The following FBXO31 variants were observed in gnomAD, a reference collection of about 807,000 sequenced individuals.
FBXO31 encodes the protein F-box protein 31.
In FBXO31, 24 loss-of-function variants were observed where a neutral mutation model predicts 54.4. The ratio of observed to expected loss-of-function variants is 0.44; its 90% CI spans 0.32 to 0.62. The LOEUF is 0.62. Among genes scored for constraint, FBXO31 ranks in the 20% least tolerant of loss-of-function variants. The pLI, the probability that FBXO31 is intolerant of heterozygous loss-of-function variation, is 0.05. For missense variants in FBXO31, 665 were observed against 787.1 expected, an observed-to-expected ratio of 0.84 and a Z score of 1.86; for synonymous variants, 388 against 335.6, an observed-to-expected ratio of 1.16 and a Z score of -1.71.
chr16:87,384,574 G>A (rs1384717614), upstream of FBXO31, among the ~76,000 whole-genome samples: 1 of 152,226 alleles, frequency 6.6e-6, no homozygotes, highest in African/African-American at 2.4e-5. Context: ...TCGTCTCCCA[G>A]GTCCGCGGGT....
Position 87,335,288 on chromosome 16 carries a change from G to T in FBXO31, c.996+16C>A. 6.2e-7 allele frequency: 1 copy of T among 1,612,284 alleles called. No homozygotes were observed. The highest frequency in any genetic ancestry group is 1.3e-5 in the African/African-American group (1 of 75,062). ...GTGCCCCCAGAGCCCCACCAACCAG[G>T]TCAGCCGCCACTCACCGTGATCTTG... is the stretch of plus-strand genomic sequence containing the variant. On this transcript the variant is annotated intron_variant, in intron 7 of 8. Coordinates refer to ENST00000311635, the MANE Select transcript of FBXO31 (RefSeq NM_024735.5). The surrounding 1 kb of genome is among the most constrained non-coding windows in gnomAD (Gnocchi z 5.7).
chr16:87,373,026 C>T (rs184799358), intron 1 of FBXO31, among the ~76,000 whole-genome samples: 2 of 148,814 alleles, frequency 1.3e-5, no homozygotes, highest in Admixed American at 6.9e-5. Context: ...TGAGCCACTG[C>T]ACCCGGCCTC....
At chr16:87,360,835 C>T (rs955457934) in intron 1 of FBXO31, among the ~76,000 whole-genome samples, 2 of 152,158 alleles carry the variant, frequency 1.3e-5, no homozygotes, top group Non-Finnish European at 2.9e-5. Context: ...AAGAGGGGAC[C>T]GTGCAAGACA....
intron 2 of FBXO31, among the ~76,000 whole-genome samples, chr16:87,349,718 A>AG (rs1905560222): frequency 6.6e-6 from 1 of 151,872 alleles, no homozygotes; most frequent in East Asian, 1.9e-4. Flanking sequence ...TGAAAAAAAA[A>AG]AAAAATCAAC....
intron 1 of FBXO31, among the ~76,000 whole-genome samples, chr16:87,376,390 C>T (rs1388595464): frequency 6.6e-6 from 1 of 152,004 alleles, no homozygotes; most frequent in African/African-American, 2.4e-5. Flanking sequence ...TCTCCTGCCT[C>T]AGTCACCCAA....
intron 8 of FBXO31, among the ~76,000 whole-genome samples, chr16:87,333,426 C>T (rs925863834): frequency 1.3e-5 from 2 of 151,816 alleles, no homozygotes; most frequent in Non-Finnish European, 2.9e-5. Flanking sequence ...CAAAGGTGAC[C>T]GGCAAGACGC....
At chr16:87,390,767 C>T (rs963566349), upstream of FBXO31, among the ~76,000 whole-genome samples, 4 of 151,912 alleles carry the variant, frequency 2.6e-5, no homozygotes, top group African/African-American at 9.7e-5. Flanking sequence ...TACTTTTTTT[C>T]TTCTTTTTTG....
rs201635883 is a variant in FBXO31 at position 87,335,292 on chromosome 16, G to A, written c.996+12C>T. ...CCCCAGAGCCCCACCAACCAGGTCA[G>A]CCGCCACTCACCGTGATCTTGGTGC... On this transcript the variant is annotated intron_variant, in intron 7 of 8. Coordinates refer to ENST00000311635, the MANE Select transcript of FBXO31 (RefSeq NM_024735.5). The surrounding 1 kb of genome is among the most constrained non-coding windows in gnomAD (Gnocchi z 5.7). 4.3e-6 allele frequency: 7 copies of A among 1,612,666 alleles called. No homozygotes were observed. In the African/African-American group the frequency reaches 9.3e-5, roughly 21 times the overall value.
chr16:87,371,254 A>C (rs10863185), intron 1 of FBXO31, among the ~76,000 whole-genome samples: 147,806 of 152,322 alleles, frequency 0.97, 71,867 homozygotes, highest in East Asian at 1. Flanking sequence ...CAATGACAGT[A>C]GCCATGTGGA....
At chr16:87,334,699 T>C (rs925499186) in intron 7 of FBXO31, among the ~76,000 whole-genome samples, 1 of 152,250 alleles carries the variant, frequency 6.6e-6, no homozygotes, top group African/African-American at 2.4e-5. Flanking sequence ...ATGCCAGATG[T>C]GGCCCTGATC....
intron 2 of FBXO31, among the ~76,000 whole-genome samples, chr16:87,354,005 T>G (rs561452738): frequency 6.6e-6 from 1 of 152,228 alleles, no homozygotes; most frequent in African/African-American, 2.4e-5. Flanking sequence ...AGCTACATAA[T>G]GGGATTCTGC....
chr16:87,371,913 T>TA (rs1156429257), intron 1 of FBXO31, among the ~76,000 whole-genome samples: 4 of 150,880 alleles, frequency 2.7e-5, no homozygotes, highest in Non-Finnish European at 5.9e-5. Context: ...TTTTTTAAGT[T>TA]AAAAAAAAAT....
In FBXO31 at chr16:87,381,791, G is replaced by A. The variant is rs554498156; in HGVS notation, c.340+1614C>T. On this transcript the variant is annotated intron_variant, in intron 1 of 8. Transcript: ENST00000311635. Reference sequence around the variant, plus strand: ...TGTAATCCCAACACTTTGGGAGGCCGAGGCGGGTGAATCACAAGGTCAGGA... The same window carrying A: ...TGTAATCCCAACACTTTGGGAGGCCAAGGCGGGTGAATCACAAGGTCAGGA... Among the ~76,000 whole-genome samples the A allele has an allele frequency of 3.9e-5, 6 of 152,282 alleles. No homozygotes were observed. The East Asian group carries it at 7.7e-4, about 20-fold the overall frequency.
chr16:87,343,509 T>G, intron 4 of FBXO31, 89 bp downstream of exon 4: 1 of 1,471,062 alleles, frequency 6.8e-7, no homozygotes, highest in Non-Finnish European at 9.2e-7. Context: ...AGCCCAGGTC[T>G]GCAGCTGAGA....
Position 87,343,594 on chromosome 16 carries a change from A to G in FBXO31, c.657+4T>C. On this transcript the variant is annotated splice_donor_region_variant and intron_variant, in intron 4 of 8. Transcript: ENST00000311635. ...TGAGGACCCAGCCCCGCCGCTGCAC[A>G]CACCTGGATGTGGCCGTGGTGGGGC... is the stretch of plus-strand genomic sequence containing the variant. The G allele has an allele frequency of 6.2e-7, 1 of 1,603,658 alleles. No individual in the cohort carries two copies. The highest frequency in any genetic ancestry group is 8.5e-7 in the Non-Finnish European group (1 of 1,175,260).
At chr16:87,341,739 A>T (rs910252593) in intron 5 of FBXO31, among the ~76,000 whole-genome samples, 2 of 152,158 alleles carry the variant, frequency 1.3e-5, no homozygotes. Flanking sequence ...TCAAATCTAA[A>T]ATAACAGCAT....
intron 5 of FBXO31, among the ~76,000 whole-genome samples, chr16:87,337,423 C>A (rs984067446): frequency 6.6e-6 from 1 of 152,222 alleles, no homozygotes; most frequent in Non-Finnish European, 1.5e-5. Context: ...ACTACACAGA[C>A]TGGACTCGCC....
chr16:87,361,473 C>T (rs1019085752), intron 1 of FBXO31, among the ~76,000 whole-genome samples: 1 of 152,162 alleles, frequency 6.6e-6, no homozygotes, highest in Non-Finnish European at 1.5e-5. Context: ...CCTGTGCAGG[C>T]GTGAGAGCCT....
At position 87,383,133 on chromosome 16, in the gene FBXO31, T is replaced by C. The variant is rs1907158369; in HGVS notation, c.340+272A>G. 6.6e-6 allele frequency among the ~76,000 whole-genome samples: 1 copy of C among 151,694 alleles called. No individual in the cohort carries two copies. Among genetic ancestry groups the C allele is most frequent in the Non-Finnish European group, 1.5e-5 (1 of 67,928 alleles). ...GTGCCCCGCGTCAGGGCCTCTTCGA[T>C]GCCTCCCTGACGCCCTCAACCCCTC... On this transcript the variant is annotated intron_variant, in intron 1 of 8. Transcript: ENST00000311635. The surrounding 1 kb of genome is among the most constrained non-coding windows in gnomAD (Gnocchi z 4.9).
Sources: allele counts gnomAD v4.1 joint callset (sites outside exome capture counted in the v4.1 genomes callset), GRCh38; gene constraint gnomAD v4.1.1; non-coding constraint Gnocchi (gnomAD v3.1); transcripts MANE v1.5; gene names NCBI Gene and HGNC (gene_info 2026-07-23, HGNC 2026-07-21).